The following LIPA variants were observed in gnomAD, a reference collection of about 807,000 sequenced individuals.
The protein encoded by LIPA is lipase A, lysosomal acid type, also known as lysosomal acid lipase/cholesteryl ester hydrolase.
A neutral mutation model predicts 40.6 loss-of-function variants in LIPA; 26 were observed. That is an observed-to-expected ratio of 0.64 (90% CI 0.47 to 0.89). LIPA has a LOEUF of 0.89. Ranked by LOEUF, LIPA falls within the 40% of genes least tolerant of loss-of-function variation. The pLI, the probability that LIPA is intolerant of heterozygous loss-of-function variation, is 0.00. For missense variants in LIPA, 455 were observed against 479.6 expected, an observed-to-expected ratio of 0.95 and a Z score of 0.48; for synonymous variants, 188 against 168.4, an observed-to-expected ratio of 1.12 and a Z score of -0.90.
At chr10:89,220,935 A>T (rs73369921) in intron 8 of LIPA, among the ~76,000 whole-genome samples, 1,534 of 152,294 alleles carry the variant, frequency 0.01, 19 homozygotes, top group African/African-American at 0.034. Flanking sequence ...ATTTCAAAAC[A>T]AGTATTCTGA....
chr10:89,376,830 G>A lies in LIPA; in HGVS notation c.61+35961C>T, dbSNP rs1050318569. 1.1e-4 allele frequency among the ~76,000 whole-genome samples: 16 copies of A among 152,246 alleles called. No individual in the cohort carries two copies. In the East Asian group the frequency reaches 2.5e-3, roughly 24 times the overall value. ...GCTTCCTGACAGCCTCCCATCCCATGCCCATGACCACACCTTACCACATGG... is the reference window on the plus strand; with the variant it reads ...GCTTCCTGACAGCCTCCCATCCCATACCCATGACCACACCTTACCACATGG... On this transcript the variant is annotated intron_variant, in intron 2 of 8. Coordinates refer to the LIPA transcript ENST00000371837.
intron 2 of LIPA, among the ~76,000 whole-genome samples, chr10:89,398,640 T>C (rs770523360): frequency 2.6e-5 from 4 of 152,256 alleles, no homozygotes; most frequent in Non-Finnish European, 5.9e-5. Context: ...ATTGTCCTTT[T>C]GTGACTGGCT....
intron 2 of LIPA, among the ~76,000 whole-genome samples, chr10:89,408,756 C>G (rs1841445632): frequency 2.0e-5 from 3 of 152,180 alleles, no homozygotes; most frequent in Admixed American, 2.0e-4. Flanking sequence ...GTAGATCAAA[C>G]CCTGGCCTTT....
chr10:89,253,639 A>G (rs1021972632), upstream of LIPA, among the ~76,000 whole-genome samples: 1 of 152,232 alleles, frequency 6.6e-6, no homozygotes, highest in African/African-American at 2.4e-5. Context: ...ATGCCTTCCC[A>G]GTAGTCCCCC....
intron 1 of LIPA, chr10:89,339,110 A>G (rs750941920): frequency 1.2e-6 from 2 of 1,614,142 alleles, no homozygotes; most frequent in Admixed American, 3.3e-5. Flanking sequence ...TGTGGAAGAA[A>G]TGAAAGGGCG....
chr10:89,237,730 C>T lies in LIPA; in HGVS notation c.229+7946G>A, dbSNP rs148218123. Among the ~76,000 whole-genome samples, 26 of 152,210 alleles carry T rather than the reference C, an allele frequency of 1.7e-4. 1 individual carries two copies. In the East Asian group the frequency reaches 5.0e-3, roughly 29 times the overall value. ...GATTGGTTCCATTGATGCTTTTTTC[C>T]TGAAGTCAGGAAGTGCTTTGCCAGT... On this transcript the variant is annotated intron_variant, in intron 3 of 9. Transcript: ENST00000336233.
At chr10:89,226,369 A>C (rs1037139342) in intron 5 of LIPA, among the ~76,000 whole-genome samples, 1 of 152,248 alleles carries the variant, frequency 6.6e-6, no homozygotes, top group African/African-American at 2.4e-5. Context: ...CTAGTCCCTA[A>C]TTACAAAAAC....
intron 1 of LIPA, among the ~76,000 whole-genome samples, chr10:89,289,768 A>C (rs1843361940): frequency 6.6e-6 from 1 of 152,110 alleles, no homozygotes. Flanking sequence ...AGTATACTCT[A>C]ATACTTTCAC....
At chr10:89,371,043 A>G (rs1034821651) in intron 2 of LIPA, among the ~76,000 whole-genome samples, 1 of 152,030 alleles carries the variant, frequency 6.6e-6, no homozygotes, top group Admixed American at 6.6e-5. Context: ...CAAACAAAAA[A>G]TTTTCTCCAA....
At position 89,307,083 on chromosome 10, in the gene LIPA, G is replaced by C. The variant is rs199839737; in HGVS notation, c.-2+35528C>G. On this transcript the variant is annotated intron_variant, in intron 1 of 5. Transcript: ENST00000282673. ...GTAGCGAAACAACTGCTCCATCTGC[G>C]GTATGGCAACTTTCAGCTGTACCAA... The C allele has an allele frequency of 5.6e-6, 9 of 1,613,938 alleles. No individual in the cohort carries two copies. The East Asian group carries it at 2.0e-4, about 36-fold the overall frequency.
intron 1 of LIPA, among the ~76,000 whole-genome samples, chr10:89,316,890 GATCAGGC>G (rs1843544220): frequency 6.6e-6 from 1 of 152,204 alleles, no homozygotes; most frequent in Non-Finnish European, 1.5e-5. Context: ...CCAGAGAAAG[GATCAGGC>G]AGCAACATTT....
At chr10:89,240,145 T>C (rs890164479) in intron 3 of LIPA, among the ~76,000 whole-genome samples, 1 of 152,214 alleles carries the variant, frequency 6.6e-6, no homozygotes, top group Admixed American at 6.5e-5. Context: ...CCAGACATAG[T>C]TCTATGACAT....
At chr10:89,407,646 G>T (rs757481815) in intron 2 of LIPA, among the ~76,000 whole-genome samples, 1 of 152,144 alleles carries the variant, frequency 6.6e-6, no homozygotes, top group Non-Finnish European at 1.5e-5. Flanking sequence ...CTCCCTCAGG[G>T]TATGGCCCTC....
intron 2 of LIPA, among the ~76,000 whole-genome samples, chr10:89,355,728 T>C (rs1843985041): frequency 6.6e-6 from 1 of 152,228 alleles, no homozygotes; most frequent in Non-Finnish European, 1.5e-5. Context: ...AAGATGGTGA[T>C]GAAAATGACC....
chr10:89,383,255 G>A, intron 2 of LIPA: 1 of 1,403,480 alleles, frequency 7.1e-7, no homozygotes, highest in African/African-American at 1.4e-5. Context: ...TTGAAGTGCT[G>A]GCTTCATTTT....
At chr10:89,372,600 T>C (rs1333794221) in intron 2 of LIPA, among the ~76,000 whole-genome samples, 2 of 152,244 alleles carry the variant, frequency 1.3e-5, no homozygotes, top group Non-Finnish European at 2.9e-5. Flanking sequence ...CTGTACCTAA[T>C]GATAATTCAT....
At chr10:89,224,496 T>C (rs1224623116) in intron 6 of LIPA, among the ~76,000 whole-genome samples, 1 of 152,246 alleles carries the variant, frequency 6.6e-6, no homozygotes, top group African/African-American at 2.4e-5. Flanking sequence ...TGTGTGAACA[T>C]ATATTTCATA....
At chr10:89,275,081 C>A (rs1211991902) in intron 1 of LIPA, among the ~76,000 whole-genome samples, 1 of 152,202 alleles carries the variant, frequency 6.6e-6, no homozygotes, top group East Asian at 1.9e-4. Flanking sequence ...CTCAGCTAGG[C>A]TGAACTGTGT....
chr10:89,283,823 T>C (rs1470200318), intron 1 of LIPA: 1 of 152,280 alleles, frequency 6.6e-6, no homozygotes, highest in African/African-American at 2.4e-5. Flanking sequence ...GGCAGATTTC[T>C]AAGCAGCAAA....
Sources: allele counts gnomAD v4.1 joint callset (sites outside exome capture counted in the v4.1 genomes callset), GRCh38; gene constraint gnomAD v4.1.1; transcripts MANE v1.5; gene names NCBI Gene and HGNC (gene_info 2026-07-23, HGNC 2026-07-21).